PLTP: variants seen among roughly 807,000 people sequenced by gnomAD.
The protein encoded by PLTP is BPI fold containing family E.
In PLTP, 43 loss-of-function variants were observed where a neutral mutation model predicts 54.1. That is an observed-to-expected ratio of 0.79 (90% CI 0.62 to 1.02). The LOEUF is 1.02. PLTP is among the 50% of genes least tolerant of loss of function. The pLI is 0.00. For synonymous variants in PLTP, 263 were observed against 264.6 expected, an observed-to-expected ratio of 0.99 and a Z score of 0.06; for missense variants, 604 against 645.9, an observed-to-expected ratio of 0.94 and a Z score of 0.70.
Position 45,909,516 on chromosome 20 carries a change from T to C in PLTP, c.485A>G (p.Lys162Arg). The change falls in exon 5 of 16, where the codon AAG (lysine) becomes AGG (arginine). Residue 162 changes from lysine (K) to arginine (R), a missense_variant and splice_region_variant. Physicochemically the swap from Lys to Arg is conservative, Grantham distance 26. Transcript: ENST00000372431. ...AGCTGGGGTTGGGGCTGGGGCTTAC[T>C]TGAAGGTTCCCCCGAAGGCCGCGTG... is the stretch of plus-strand genomic sequence containing the variant. ...RMHAAFGGTF[K>R]KVYDFLSTFI... 3.7e-6 allele frequency: 6 copies of C among 1,614,064 alleles called. No homozygotes were observed. Among genetic ancestry groups the C allele is most frequent in the Non-Finnish European group, 5.1e-6 (6 of 1,180,016 alleles).
At chr20:45,903,239 G>A (rs6073949) in intron 10 of PLTP, among the ~76,000 whole-genome samples, 71,655 of 151,070 alleles carry the variant, frequency 0.47, 20,219 homozygotes, top group Non-Finnish European at 0.65. Flanking sequence ...GGTCTCTGTT[G>A]CCCAGGCTGG....
At chr20:45,905,545 A>G (rs138579402) in intron 8 of PLTP, among the ~76,000 whole-genome samples, 9 of 152,366 alleles carry the variant, frequency 5.9e-5, no homozygotes, top group Admixed American at 1.3e-4. Flanking sequence ...TGGCCAACTG[A>G]AAACTTATGC....
At position 45,904,800 on chromosome 20, in the gene PLTP, C is replaced by T. The variant is rs1034234068; in HGVS notation, c.942G>A (p.Leu314=). The T allele has an allele frequency of 1.2e-6, 2 of 1,614,088 alleles. No individual in the cohort carries two copies. Among genetic ancestry groups the T allele is most frequent in the African/African-American group, 2.7e-5 (2 of 74,944 alleles). ...TATCCCTGCCCCCGCCAGCACTCAC[C>T]AGCAGGACAATGCTCCCAAAGTAGG... ...RATYFGSIVL[L]SPAVIDSPLK... Residue 314 remains leucine, a splice_region_variant and synonymous_variant, in exon 10 of 16, where the codon CTG becomes CTA. Transcript: ENST00000372431.
rs1305303563 is a variant in PLTP at position 45,905,079 on chromosome 20, G to A, written c.745C>T (p.Pro249Ser). ...FPLTERNWSL[P>S]NRAVEPQLQE... ...AGCTGGGGCTCCACTGCCCGGTTGG[G>A]GAGGCTCCAGTTCCTCTCAGTCAGG... Residue 249 changes from proline (P) to serine (S), a missense_variant, in exon 9 of 16, where the codon CCC becomes TCC. Pro to Ser is a moderately conservative substitution (Grantham distance 74). Transcript: ENST00000372431. 1 of 1,614,220 alleles carries A rather than the reference G, an allele frequency of 6.2e-7. No individual in the cohort carries two copies. The highest frequency in any genetic ancestry group is 2.2e-5 in the East Asian group (1 of 44,880).
intron 12 of PLTP, among the ~76,000 whole-genome samples, chr20:45,900,350 C>T (rs181845012): frequency 2.6e-5 from 4 of 151,958 alleles, no homozygotes; most frequent in Admixed American, 2.0e-4. Flanking sequence ...TGTGATCCGC[C>T]CGTCTCGGCC....
chr20:45,899,812 G>GGCCCCCCCCCCCCC, intron 13 of PLTP, 24 bp downstream of exon 13: 2 of 309,344 alleles, frequency 6.5e-6, no homozygotes, highest in Non-Finnish European at 1.2e-5. Flanking sequence ...ACCCAGCCCA[G>GGCCCCCCCCCCCCC]CCCACCCACC....
chr20:45,900,533 T>G (rs145344414), intron 12 of PLTP, among the ~76,000 whole-genome samples: 87 of 152,128 alleles, frequency 5.7e-4, no homozygotes, highest in African/African-American at 1.7e-3. Flanking sequence ...CTTTTTTTAT[T>G]TTTATTTATT....
Position 45,909,591 on chromosome 20 carries a change from C to A in PLTP, c.410G>T (p.Gly137Val). The change falls in exon 5 of 16, where the codon GGA becomes GTA. Residue 137 changes from glycine to valine, a missense_variant. By Grantham distance (109) the Gly-to-Val change is moderately radical. Coordinates refer to ENST00000372431, the MANE Select transcript of PLTP (RefSeq NM_006227.4). Reference sequence around the variant, plus strand: ...GGAGACATTGGACACTTTCATCCGTCCAGCGGGATCCCGGGAGAGCTCCAG... The same window carrying A: ...GGAGACATTGGACACTTTCATCCGTACAGCGGGATCCCGGGAGAGCTCCAG... ...TGLELSRDPAGRMKVSNVSCQ... is the reference protein window; with the variant it reads ...TGLELSRDPAVRMKVSNVSCQ... 6.2e-7 allele frequency: 1 copy of A among 1,614,186 alleles called. No homozygotes were observed. The highest frequency in any genetic ancestry group is 8.5e-7 in the Non-Finnish European group (1 of 1,180,030).
chr20:45,899,633 G>C lies in PLTP; in HGVS notation c.1271C>G (p.Pro424Arg). ...CACCCCAGCCTTACCATTGAGCATG[G>C]GCATCACCCCAATCTGCAGCATGGT... Reference protein sequence around the residue: ...LKTMLQIGVMPMLNERTWRGV... With the variant: ...LKTMLQIGVMRMLNERTWRGV... Residue 424 changes from proline to arginine, a missense_variant, in exon 14 of 16, where the codon CCC (proline) becomes CGC (arginine). By Grantham distance (103) the Pro-to-Arg change is moderately radical. Coordinates refer to ENST00000372431, the MANE Select transcript of PLTP (RefSeq NM_006227.4). The C allele has an allele frequency of 6.2e-7, 1 of 1,614,128 alleles. No homozygotes were observed. The highest frequency in any genetic ancestry group is 8.5e-7 in the Non-Finnish European group (1 of 1,180,022).
At chr20:45,902,851 C>G (rs11569674) in intron 10 of PLTP, among the ~76,000 whole-genome samples, 53 of 152,340 alleles carry the variant, frequency 3.5e-4, no homozygotes, top group Non-Finnish European at 6.5e-4. Context: ...TCAGGTCTAT[C>G]TCCAATCCAG....
In PLTP at chr20:45,911,228, GA is replaced by G; in HGVS notation, c.123del (p.Leu42TrpfsTer27). On this transcript the variant is annotated frameshift_variant, in exon 3 of 16. Coordinates refer to ENST00000372431, the MANE Select transcript of PLTP (RefSeq NM_006227.4). LOFTEE classifies it high-confidence loss of function. ...LELVKQEGLR[F>X]LEQELETITI... ...GTGATAGTCTCCAGCTCTTGCTCCA[GA>G]AAGCGCAGCCCCTCCTGCTTCACTG... 6.2e-7 allele frequency: 1 copy of G among 1,614,150 alleles called. No homozygotes were observed.
rs542300038 is a variant in PLTP, at chr20:45,905,002, G to A, written c.822C>T (p.Asp274=). 6.2e-7 allele frequency: 1 copy of A among 1,614,210 alleles called. No individual in the cohort carries two copies. The highest frequency in any genetic ancestry group is 1.3e-5 in the African/African-American group (1 of 75,054). The part of the protein sequence containing the change: ...VYVAFSEFFF[D]SAMESYFRAG... ...CCCGGAAGTAGCTCTCCATGGCAGA[G>A]TCGAAGAAGAACTCAGAGAAGGCCA... Residue 274 remains aspartate (D), a synonymous_variant, in exon 9 of 16, where the codon GAC becomes GAT. Coordinates refer to ENST00000372431, the MANE Select transcript of PLTP (RefSeq NM_006227.4).
At chr20:45,911,885 G>A (rs927687979) in intron 1 of PLTP, 194 bp downstream of exon 1, 1 of 259,654 alleles carries the variant, frequency 3.9e-6, no homozygotes, top group East Asian at 1.0e-4. Flanking sequence ...GGGGAGGAGA[G>A]GAGGTGGCCG....
intron 8 of PLTP, 112 bp downstream of exon 8, chr20:45,906,156 A>T (rs2083236361): frequency 1.3e-6 from 1 of 757,866 alleles, no homozygotes; most frequent in Non-Finnish European, 2.4e-6. Context: ...CATTCTCAGT[A>T]ATGGGAGTGG....
Position 45,909,568 on chromosome 20 carries a change from A to G in PLTP, c.433T>C (p.Ser145Pro). Reference sequence around the variant, plus strand: ...ATTCTGGAGACAGAGGCCTGGCAGGAGACATTGGACACTTTCATCCGTCCA... The same window carrying G: ...ATTCTGGAGACAGAGGCCTGGCAGGGGACATTGGACACTTTCATCCGTCCA... Reference protein sequence around the residue: ...PAGRMKVSNVSCQASVSRMHA... With the variant: ...PAGRMKVSNVPCQASVSRMHA... The change falls in exon 5 of 16, where the codon TCC becomes CCC. Residue 145 changes from serine (S) to proline (P), a missense_variant. By Grantham distance (74) the Ser-to-Pro change is moderately conservative. Transcript: ENST00000372431. The G allele has an allele frequency of 6.2e-7, 1 of 1,614,150 alleles. No individual in the cohort carries two copies. Among genetic ancestry groups the G allele is most frequent in the Non-Finnish European group, 8.5e-7 (1 of 1,180,026 alleles).
chr20:45,902,369 CAGA>C, intron 11 of PLTP, 35 bp from the exon 12 acceptor site: 2 of 1,612,858 alleles, frequency 1.2e-6, no homozygotes, highest in Admixed American at 1.7e-5. Context: ...GTTACTGACC[CAGA>C]AGGTCAGTAA....
rs529180276 is a variant in PLTP, at chr20:45,910,512, G to A, written c.201-442C>T. Reference sequence around the variant, plus strand: ...CGCCTGTAGTCCTAGCTACTCGGGAGGCTGAGGCAGGAAAATCGCTTGAAC... The same window carrying A: ...CGCCTGTAGTCCTAGCTACTCGGGAAGCTGAGGCAGGAAAATCGCTTGAAC... On this transcript the variant is annotated intron_variant, in intron 3 of 15. Coordinates refer to ENST00000372431, the MANE Select transcript of PLTP (RefSeq NM_006227.4). Among the ~76,000 whole-genome samples the A allele has an allele frequency of 1.1e-3, 160 of 152,030 alleles. 1 individual carries two copies. Among genetic ancestry groups the A allele is most frequent in the South Asian group, 3.7e-3 (18 of 4,804 alleles).
Position 45,906,268 on chromosome 20 carries a change from C to T in PLTP, c.705G>A (p.Arg235=). 6.2e-7 allele frequency: 1 copy of T among 1,610,708 alleles called. No individual in the cohort carries two copies. Among genetic ancestry groups the T allele is most frequent in the Non-Finnish European group, 8.5e-7 (1 of 1,176,912 alleles). Residue 235 remains arginine (R), a splice_region_variant and synonymous_variant, in exon 8 of 16, where the codon CGG becomes CGA. Transcript: ENST00000372431. The part of the protein sequence containing the change: ...ASTSNLDMDF[R]GAFFPLTERN... ...TCATACACCAGCCCAAGCAGCTCAC[C>T]CGGAAGTCCATGTCCAGGTTGCTGG...
At chr20:45,900,314 C>G (rs2083171916) in intron 12 of PLTP, among the ~76,000 whole-genome samples, 1 of 151,678 alleles carries the variant, frequency 6.6e-6, no homozygotes, top group African/African-American at 2.4e-5. Context: ...CCGTGTTAGC[C>G]AGGATGGTCT....
Sources: gnomAD v4.1 joint callset for allele counts (sites outside exome capture counted in the v4.1 genomes callset) on GRCh38, gnomAD v4.1.1 for gene constraint, MANE v1.5 for transcripts, NCBI Gene and HGNC (gene_info 2026-07-23, HGNC 2026-07-21) for gene names.